Variants in C11orf97 observed in about 807,000 individuals in gnomAD.
C11orf97 encodes chromosome 11 open reading frame 97.
In C11orf97, 15 loss-of-function variants were observed where a neutral mutation model predicts 16.2. That is an observed-to-expected ratio of 0.93 (90% confidence interval 0.62 to 1.43). C11orf97 has a LOEUF of 1.43. C11orf97 is among the 40% of genes most tolerant of loss of function. The pLI is 0.00. For missense variants in C11orf97, 171 were observed against 161.2 expected (o/e 1.06, Z -0.33); for synonymous variants, 61 against 65.7 (o/e 0.93, Z 0.34).
chr11:94,531,854 G>A (rs755768981), intron 3 of C11orf97, 42 bp from the exon 4 acceptor site: 97 of 1,387,958 alleles, frequency 7.0e-5, no homozygotes, highest in Middle Eastern at 1.8e-4. Flanking sequence ...GCATCTCCCC[G>A]AAGTAAAACA....
At chr11:94,521,899 C>G (rs987435948) in intron 2 of C11orf97, among the ~76,000 whole-genome samples, 1 of 152,210 alleles carries the variant, frequency 6.6e-6, no homozygotes, top group Non-Finnish European at 1.5e-5. Flanking sequence ...CTCTAGGTGG[C>G]TTGAGCTTTC....
intron 3 of C11orf97, among the ~76,000 whole-genome samples, chr11:94,531,526 CA>C (rs35270400): frequency 0.2 from 18,730 of 91,418 alleles, 714 homozygotes; most frequent in Non-Finnish European, 0.25. Flanking sequence ...CAAAACAAGC[CA>C]AAAAAAAAAA....
At chr11:94,528,314 C>T in intron 3 of C11orf97, 105 bp downstream of exon 3, 1 of 1,079,060 alleles carries the variant, frequency 9.3e-7, no homozygotes, top group Non-Finnish European at 1.2e-6. Flanking sequence ...CAAAACTCAA[C>T]CTTCCTTTGA....
intron 3 of C11orf97, among the ~76,000 whole-genome samples, chr11:94,531,312 G>A (rs1461180805): frequency 5.9e-5 from 9 of 151,906 alleles, no homozygotes; most frequent in Admixed American, 5.9e-4. Flanking sequence ...GGTGACGCAC[G>A]CTTCTAGTCC....
Position 94,512,557 on chromosome 11 carries a change from C to T in C11orf97, c.29C>T (p.Thr10Ile). Reference protein sequence around the residue: MTGEEAVVVTAVVAPKAGRE... With the variant: MTGEEAVVVIAVVAPKAGRE... ...ACAGGCGAGGAGGCGGTGGTGGTGACCGCAGTGGTGGCGCCCAAGGCGGGT... is the reference window on the plus strand; with the variant it reads ...ACAGGCGAGGAGGCGGTGGTGGTGATCGCAGTGGTGGCGCCCAAGGCGGGT... Residue 10 changes from threonine (T) to isoleucine (I), a missense_variant, in exon 1 of 4, where the codon ACC (threonine) becomes ATC (isoleucine). Transcript: ENST00000542198. The T allele has an allele frequency of 7.6e-7, 1 of 1,311,942 alleles. No individual in the cohort carries two copies. The highest frequency in any genetic ancestry group is 9.7e-7 in the Non-Finnish European group (1 of 1,029,396). The allele number at this position is 1,311,942 out of a possible 1,614,324, so 81.3% of individuals were successfully genotyped here.
intron 2 of C11orf97, among the ~76,000 whole-genome samples, chr11:94,525,691 T>G (rs1947695711): frequency 6.6e-6 from 1 of 152,226 alleles, no homozygotes; most frequent in Non-Finnish European, 1.5e-5. Flanking sequence ...ACTTATATTT[T>G]TCTTTCTGTA....
chr11:94,523,692 A>G (rs899742155), intron 2 of C11orf97, among the ~76,000 whole-genome samples: 5 of 152,224 alleles, frequency 3.3e-5, no homozygotes, highest in African/African-American at 1.2e-4. Context: ...ATTGAGTTTT[A>G]TGGATGTTGA....
At chr11:94,530,228 G>A (rs1397893893) in intron 3 of C11orf97, among the ~76,000 whole-genome samples, 1 of 152,032 alleles carries the variant, frequency 6.6e-6, no homozygotes, top group South Asian at 2.1e-4. Flanking sequence ...AGTAGCCCTC[G>A]GCCCTCCATT....
chr11:94,531,997 C>T lies in C11orf97; in HGVS notation c.*97C>T. ...CTTGTTTCAGGATTTAAGATGTGTG[C>T]AAAAAAATGATAGCCTGTAATTACT... On this transcript the variant is annotated 3_prime_UTR_variant, in exon 4 of 4. Coordinates refer to ENST00000542198, the MANE Select transcript of C11orf97 (RefSeq NM_001190462.2). 1.0e-6 allele frequency: 1 copy of T among 989,958 alleles called. No individual in the cohort carries two copies. The highest frequency in any genetic ancestry group is 1.4e-6 in the Non-Finnish European group (1 of 718,922). The allele number at this position is 989,958 out of a possible 1,614,324, so 61.3% of individuals were successfully genotyped here.
intron 1 of C11orf97, among the ~76,000 whole-genome samples, chr11:94,516,554 C>T (rs1413478204): frequency 6.6e-6 from 1 of 152,102 alleles, no homozygotes; most frequent in Admixed American, 6.5e-5. Context: ...GAGACAACAT[C>T]CCTGCCCTCA....
chr11:94,512,506 G>A lies in C11orf97; in HGVS notation c.-23G>A. The A allele has an allele frequency of 7.8e-7, 1 of 1,280,462 alleles. No individual in the cohort carries two copies. The highest frequency in any genetic ancestry group is 9.9e-7 in the Non-Finnish European group (1 of 1,013,474). 79.3% of individuals were successfully genotyped at this position (1,280,462 alleles called of 1,614,324 possible). On this transcript the variant is annotated 5_prime_UTR_variant, in exon 1 of 4. Transcript: ENST00000542198. ...GAGCTGAGAAGGAAACCGTGCCCAGGGCTCTCGGAAGACCGCTGCGGCATG... is the reference window on the plus strand; with the variant it reads ...GAGCTGAGAAGGAAACCGTGCCCAGAGCTCTCGGAAGACCGCTGCGGCATG...
intron 3 of C11orf97, among the ~76,000 whole-genome samples, chr11:94,529,471 T>C (rs1159209748): frequency 1.3e-5 from 2 of 152,212 alleles, no homozygotes; most frequent in Non-Finnish European, 2.9e-5. Context: ...AGCCACCATT[T>C]ATCAGGAGCC....
At chr11:94,530,470 AT>A (rs1359138360) in intron 3 of C11orf97, among the ~76,000 whole-genome samples, 1 of 152,236 alleles carries the variant, frequency 6.6e-6, no homozygotes, top group Admixed American at 6.5e-5. Flanking sequence ...GCACAGAAAT[AT>A]CATAGAAGAA....
intron 1 of C11orf97, among the ~76,000 whole-genome samples, chr11:94,514,640 C>CTTTTTTTTTTTTTTTTTTTTTTTTTTTTT (rs10562282): frequency 1.2e-5 from 1 of 82,468 alleles, no homozygotes; most frequent in Non-Finnish European, 2.4e-5. Context: ...TTATTTTTGC[C>CTTTTTTTTTTTTTTTTTTTTTTTTTTTTT]TTTTTTTTTT....
chr11:94,527,230 A>T (rs1947707427), intron 2 of C11orf97, among the ~76,000 whole-genome samples: 1 of 152,214 alleles, frequency 6.6e-6, no homozygotes, highest in Admixed American at 6.5e-5. Flanking sequence ...AATCCTTTAG[A>T]GAGGGATCAA....
chr11:94,521,498 G>A (rs1003729663), intron 2 of C11orf97, among the ~76,000 whole-genome samples: 1 of 152,190 alleles, frequency 6.6e-6, no homozygotes, highest in Non-Finnish European at 1.5e-5. Context: ...TGGCAGGTTA[G>A]GTGTATGAAA....
chr11:94,530,424 A>G (rs1476478008), intron 3 of C11orf97, among the ~76,000 whole-genome samples: 1 of 152,234 alleles, frequency 6.6e-6, no homozygotes, highest in Non-Finnish European at 1.5e-5. Flanking sequence ...CAAGAATTAA[A>G]CCTTTCTCAT....
chr11:94,527,067 A>G (rs1007427014), intron 2 of C11orf97, among the ~76,000 whole-genome samples: 1 of 152,234 alleles, frequency 6.6e-6, no homozygotes, highest in Non-Finnish European at 1.5e-5. Flanking sequence ...TCAAGTAGAT[A>G]TTATTATCCC....
intron 1 of C11orf97, among the ~76,000 whole-genome samples, chr11:94,512,951 A>G (rs1283704363): frequency 1.3e-5 from 2 of 151,966 alleles, no homozygotes; most frequent in Admixed American, 6.5e-5. Context: ...ATTAACACAC[A>G]CACACACACA....
Sources: allele counts gnomAD v4.1 joint callset (sites outside exome capture counted in the v4.1 genomes callset), GRCh38; gene constraint gnomAD v4.1.1; transcripts MANE v1.5; gene names NCBI Gene and HGNC (gene_info 2026-07-23, HGNC 2026-07-21).